Variants in PCDH15 observed in about 807,000 individuals in gnomAD.
PCDH15 encodes the protein protocadherin related 15.
Under a neutral mutation model 178.5 loss-of-function variants are expected in PCDH15, and 129 were observed. The ratio of observed to expected loss-of-function variants is 0.72; its 90% CI spans 0.63 to 0.84. The LOEUF (loss-of-function observed/expected upper bound fraction) is 0.84, where lower values mean the gene tolerates loss of function less well. Ranked by LOEUF, PCDH15 falls within the 40% of genes least tolerant of loss-of-function variation. PCDH15 has a pLI of 0.00. For missense variants in PCDH15, 2,230 were observed against 2,099.9 expected, an observed-to-expected ratio of 1.06 and a Z score of -1.21; for synonymous variants, 800 against 732.0, an observed-to-expected ratio of 1.09 and a Z score of -1.50.
Position 53,866,601 on chromosome 10 carries a change from T to C in PCDH15, c.3717+41A>G, listed in dbSNP as rs371405231. ...ACTGAAAACACTGACCTATGGCTAGTATCGTAGCTACTTCCCTTTCCTGAA... is the reference window on the plus strand; with the variant it reads ...ACTGAAAACACTGACCTATGGCTAGCATCGTAGCTACTTCCCTTTCCTGAA... On this transcript the variant is annotated intron_variant, in intron 27 of 37. Coordinates refer to ENST00000644397, the MANE Select transcript of PCDH15 (RefSeq NM_001384140.1). 110 of 1,450,764 alleles carry C rather than the reference T, an allele frequency of 7.6e-5. 1 individual carries two copies. The African/African-American group carries it at 9.2e-4, about 12-fold the overall frequency. The allele number at this position is 1,450,764 out of a possible 1,614,324, so 89.9% of individuals were successfully genotyped here. A position where few individuals can be genotyped will look rare whatever the true frequency, so the allele number is the denominator to read the frequency against.
chr10:55,023,796 C>CAT (rs202050684), intron 2 of PCDH15, among the ~76,000 whole-genome samples: 37 of 150,688 alleles, frequency 2.5e-4, no homozygotes, highest in African/African-American at 9.0e-4. Context: ...CACACATATT[C>CAT]ATATATATAT....
In PCDH15 at chr10:55,602,064, G is replaced by A. The variant is rs1843095312; in HGVS notation, c.-156+25561C>T. On this transcript the variant is annotated intron_variant, in intron 2 of 5. Coordinates refer to the PCDH15 transcript ENST00000613346. Reference sequence around the variant, plus strand: ...ACCAGCCAAAGCAGGGCGAGGCGTTGCCTCACTCGGGAGGCGCAAGGGGTC... The same window carrying A: ...ACCAGCCAAAGCAGGGCGAGGCGTTACCTCACTCGGGAGGCGCAAGGGGTC... Among the ~76,000 whole-genome samples, 2 of 152,120 alleles carry A rather than the reference G, an allele frequency of 1.3e-5. 1 individual carries two copies. The highest frequency in any genetic ancestry group is 4.1e-4 in the South Asian group (2 of 4,824).
chr10:55,000,560 T>G (rs1377339341), intron 2 of PCDH15, among the ~76,000 whole-genome samples: 5 of 152,102 alleles, frequency 3.3e-5, no homozygotes, highest in Non-Finnish European at 7.3e-5. Context: ...CCTCAGCTTA[T>G]GAAAATGACG....
At chr10:54,854,363 A>G (rs56855093) in intron 3 of PCDH15, among the ~76,000 whole-genome samples, 5 of 152,102 alleles carry the variant, frequency 3.3e-5, no homozygotes, top group African/African-American at 4.8e-5. Flanking sequence ...TTTCAGCCCT[A>G]TTTGTGTTAC....
At chr10:55,260,417 T>G (rs1487994882) in intron 1 of PCDH15, among the ~76,000 whole-genome samples, 1 of 152,168 alleles carries the variant, frequency 6.6e-6, no homozygotes, top group Admixed American at 6.5e-5. Flanking sequence ...CTATTACACA[T>G]AGAAGTAATT....
intron 15 of PCDH15, among the ~76,000 whole-genome samples, chr10:54,105,355 CAT>C (rs1407185897): frequency 6.1e-5 from 8 of 131,654 alleles, no homozygotes; most frequent in Non-Finnish European, 8.4e-5. Flanking sequence ...CACACACACA[CAT>C]ACACAAAACT....
Position 54,194,740 on chromosome 10 carries a change from C to CTATATATA in PCDH15, c.1305+935_1305+942dup, listed in dbSNP as rs60365134. Among the ~76,000 whole-genome samples, 1,409 of 151,094 alleles carry CTATATATA rather than the reference C, an allele frequency of 9.3e-3. 20 individuals carry two copies. Among genetic ancestry groups the CTATATATA allele is most frequent in the African/African-American group, 0.032 (1,308 of 40,986 alleles). On this transcript the variant is annotated intron_variant, in intron 11 of 37. Coordinates refer to ENST00000644397, the MANE Select transcript of PCDH15 (RefSeq NM_001384140.1). The stretch of plus-strand genomic sequence containing the variant: ...TGTATATGTCTATCTATCTATCTAT[C>CTATATATA]TATATATATACACAAAACATATGTA...
rs992236143 is a variant in PCDH15 at position 55,217,806 on chromosome 10, T to C, written c.-155-51155A>G. Among the ~76,000 whole-genome samples the C allele has an allele frequency of 2.6e-5, 4 of 151,964 alleles. No individual in the cohort carries two copies. The East Asian group carries it at 7.7e-4, about 29-fold the overall frequency. On this transcript the variant is annotated intron_variant, in intron 1 of 5. Coordinates refer to the PCDH15 transcript ENST00000458638. Reference sequence around the variant, plus strand: ...CATAAATACTTAGCTAATCAAATGGTATTTTATGTCTTAATCAAGGGGTGA... The same window carrying C: ...CATAAATACTTAGCTAATCAAATGGCATTTTATGTCTTAATCAAGGGGTGA...
intron 3 of PCDH15, among the ~76,000 whole-genome samples, chr10:54,811,419 T>G (rs2133729101): frequency 6.6e-6 from 1 of 152,286 alleles, no homozygotes; most frequent in Non-Finnish European, 1.5e-5. Flanking sequence ...CTGTAAATTT[T>G]TATGAAACAG....
At chr10:54,874,253 G>A (rs536791910) in intron 3 of PCDH15, among the ~76,000 whole-genome samples, 1 of 143,618 alleles carries the variant, frequency 7.0e-6, no homozygotes, top group South Asian at 2.4e-4. Context: ...ATAGTTTACT[G>A]AGAATGATGA....
rs1226054385 is a variant in PCDH15, at chr10:55,502,982, A to ATTTG, written c.-156+124642_-156+124643insCAAA. Reference sequence around the variant, plus strand: ...TTCTGAAGGAGCACTTTTATGTGTGACAAATTAAACATTAATAGCAAAACA... The same window carrying ATTTG: ...TTCTGAAGGAGCACTTTTATGTGTGATTTGCAAATTAAACATTAATAGCAAAACA... On this transcript the variant is annotated intron_variant, in intron 2 of 5. Coordinates refer to the PCDH15 transcript ENST00000613346. Among the ~76,000 whole-genome samples, 8 of 151,732 alleles carry ATTTG rather than the reference A, an allele frequency of 5.3e-5. No individual in the cohort carries two copies. In the East Asian group the frequency reaches 1.4e-3, roughly 26 times the overall value.
intron 15 of PCDH15, among the ~76,000 whole-genome samples, chr10:54,102,037 G>A (rs1222500650): frequency 2.0e-5 from 3 of 152,048 alleles, no homozygotes; most frequent in African/African-American, 7.2e-5. Context: ...TCTAAATACT[G>A]TTCTAAAGAC....
At chr10:54,635,664 A>G (rs973615917) in intron 2 of PCDH15, among the ~76,000 whole-genome samples, 7 of 151,896 alleles carry the variant, frequency 4.6e-5, no homozygotes, top group Non-Finnish European at 1.0e-4. Context: ...ATAAAACATC[A>G]GAAGCCTAAA....
chr10:53,989,234 T>C (rs76031737), intron 21 of PCDH15, among the ~76,000 whole-genome samples: 4,254 of 152,208 alleles, frequency 0.028, 167 homozygotes, highest in African/African-American at 0.081. Flanking sequence ...GGCTAGATTT[T>C]AGTTTTATTT....
At chr10:55,018,064 T>G (rs4466740) in intron 2 of PCDH15, among the ~76,000 whole-genome samples, 79,892 of 151,880 alleles carry the variant, frequency 0.53, 22,065 homozygotes, top group East Asian at 0.75. Flanking sequence ...CTAGAAATTG[T>G]GAATGTTATT....
In PCDH15 at chr10:53,866,642, G is replaced by C; in HGVS notation, c.3717C>G (p.Leu1239=). Reference sequence around the variant, plus strand: ...CTTTCCTGAAGTTTTATCTACTTACGAGTACATCGGCTTTGCCGCTCAGTC... The same window carrying C: ...CTTTCCTGAAGTTTTATCTACTTACCAGTACATCGGCTTTGCCGCTCAGTC... ...GKGLSGKADV[L]VSVVNQLDMQ... The change falls in exon 27 of 38, where the codon CTC becomes CTG. Residue 1239 remains leucine, a splice_region_variant and synonymous_variant. Coordinates refer to ENST00000644397, the MANE Select transcript of PCDH15 (RefSeq NM_001384140.1). 6.2e-7 allele frequency: 1 copy of C among 1,612,382 alleles called. No homozygotes were observed. The highest frequency in any genetic ancestry group is 8.5e-7 in the Non-Finnish European group (1 of 1,178,738).
At chr10:54,634,943 G>A (rs947649343) in intron 2 of PCDH15, among the ~76,000 whole-genome samples, 5 of 151,492 alleles carry the variant, frequency 3.3e-5, no homozygotes, top group African/African-American at 4.8e-5. Flanking sequence ...TTTTCTAAGT[G>A]TACACGGCCT....
At chr10:54,331,503 T>G (rs2384448) in intron 6 of PCDH15, among the ~76,000 whole-genome samples, 102,595 of 151,704 alleles carry the variant, frequency 0.68, 35,419 homozygotes, top group Middle Eastern at 0.82. Context: ...CCTAATTTTT[T>G]GCCTATTCAA....
chr10:55,254,632 G>A (rs1326206399), intron 1 of PCDH15, among the ~76,000 whole-genome samples: 1 of 152,096 alleles, frequency 6.6e-6, no homozygotes, highest in Non-Finnish European at 1.5e-5. Context: ...CATTTTTGAA[G>A]AAATTTAATC....
Sources: allele counts gnomAD v4.1 joint callset (sites outside exome capture counted in the v4.1 genomes callset), GRCh38; gene constraint gnomAD v4.1.1; transcripts MANE v1.5; gene names NCBI Gene and HGNC (gene_info 2026-07-23, HGNC 2026-07-21).